LMLN: variants seen among roughly 807,000 people sequenced by gnomAD.
LMLN encodes the protein leishmanolysin-like peptidase.
In LMLN, 70 loss-of-function variants were observed where a neutral mutation model predicts 92.3. The observed-to-expected ratio is 0.76, with a 90% CI of 0.63 to 0.92. The LOEUF is 0.92. Ranked by LOEUF, LMLN falls within the 40% of genes least tolerant of loss-of-function variation. The probability of loss-of-function intolerance (pLI) is 0.00; values close to 1 mark genes in which losing one functional copy is unlikely to be tolerated. For missense variants in LMLN, 691 were observed against 814.6 expected (o/e 0.85, Z 1.85); for synonymous variants, 308 against 296.2 (o/e 1.04, Z -0.41).
At chr3:197,960,402 T>A (rs1171261615) in exon 1 of LMLN, 2 of 1,613,772 alleles carry the variant, frequency 1.2e-6, no homozygotes, top group Non-Finnish European at 1.7e-6. Flanking sequence ...CTTGGGCAGT[T>A]CCCCTCCCTG....
chr3:197,960,384 C>T (rs1239669755), exon 1 of LMLN: 14 of 1,613,994 alleles, frequency 8.7e-6, no homozygotes, highest in Non-Finnish European at 1.2e-5. Flanking sequence ...CACATCTACT[C>T]CCGTCTCCTT....
intron 1 of LMLN, among the ~76,000 whole-genome samples, chr3:197,968,899 G>T (rs1455883891): frequency 6.6e-6 from 1 of 152,150 alleles, no homozygotes; most frequent in Non-Finnish European, 1.5e-5. Context: ...GACTATTCAG[G>T]TTATTTATTT....
chr3:198,028,729 C>T (rs1723001021), intron 14 of LMLN, among the ~76,000 whole-genome samples: 1 of 152,188 alleles, frequency 6.6e-6, no homozygotes, highest in South Asian at 2.1e-4. Context: ...AAAGAATGTA[C>T]AGGGTACAGG....
chr3:197,976,763 G>A (rs969162509), intron 5 of LMLN, 48 bp downstream of exon 5: 1 of 920,352 alleles, frequency 1.1e-6, no homozygotes, highest in Non-Finnish European at 1.6e-6. Context: ...AGGAGATTTT[G>A]AATTTGTGAG....
chr3:198,038,761 A>T, exon 16 of LMLN: 1 of 924,058 alleles, frequency 1.1e-6, no homozygotes, highest in Non-Finnish European at 1.8e-6. Flanking sequence ...TGCAGATGGT[A>T]GAAGTGGCAT....
intron 11 of LMLN, among the ~76,000 whole-genome samples, chr3:198,000,162 G>A (rs2109899972): frequency 6.6e-6 from 1 of 152,270 alleles, no homozygotes; most frequent in Non-Finnish European, 1.5e-5. Context: ...AAAGTGCTGG[G>A]ATTACAGGCA....
chr3:197,965,007 C>CA (rs954254964), intron 1 of LMLN, among the ~76,000 whole-genome samples: 11,072 of 90,818 alleles, frequency 0.12, 648 homozygotes, highest in African/African-American at 0.23. Context: ...AACTCTGTCT[C>CA]AAAAAAAAAA....
intron 1 of LMLN, among the ~76,000 whole-genome samples, chr3:197,961,512 G>T: frequency 6.6e-6 from 1 of 151,934 alleles, no homozygotes; most frequent in Middle Eastern, 3.4e-3. Context: ...CTGCATTTTC[G>T]CTGAATTCTT....
chr3:198,020,768 A>ATTGTTTTTTTT (rs1722756549), intron 12 of LMLN, among the ~76,000 whole-genome samples: 6 of 32,872 alleles, frequency 1.8e-4, no homozygotes, highest in African/African-American at 7.2e-4. Flanking sequence ...TAATTTTTGT[A>ATTGTTTTTTTT]TTTTTTTTTT....
At chr3:198,037,217 C>T (rs77142057) in intron 15 of LMLN, among the ~76,000 whole-genome samples, 6 of 152,260 alleles carry the variant, frequency 3.9e-5, no homozygotes, top group East Asian at 3.9e-4. Context: ...GGAAGAGGTG[C>T]GTGGGGCAAA....
At chr3:198,002,322 G>C (rs1722196273) in intron 11 of LMLN, among the ~76,000 whole-genome samples, 1 of 152,056 alleles carries the variant, frequency 6.6e-6, no homozygotes, top group Non-Finnish European at 1.5e-5. Flanking sequence ...GTAGAGACAG[G>C]GTCTCACCAT....
intron 13 of LMLN, among the ~76,000 whole-genome samples, chr3:198,023,191 T>A (rs1279957639): frequency 6.6e-6 from 1 of 151,630 alleles, no homozygotes; most frequent in Non-Finnish European, 1.5e-5. Context: ...TTATTATTAT[T>A]ATTATTATTA....
exon 16 of LMLN, chr3:198,040,107 T>C (rs1198670148): frequency 6.6e-6 from 1 of 152,190 alleles, no homozygotes; most frequent in Non-Finnish European, 1.5e-5. Flanking sequence ...GGTTAAGAAA[T>C]TGTTGCAGAA....
intron 3 of LMLN, 52 bp downstream of exon 3, chr3:197,975,124 T>C: frequency 2.0e-6 from 2 of 1,015,670 alleles, no homozygotes; most frequent in Non-Finnish European, 3.0e-6. Flanking sequence ...TTTTATTGCA[T>C]GGAAATTCTA....
At chr3:198,011,397 G>A (rs988570293) in intron 11 of LMLN, among the ~76,000 whole-genome samples, 3 of 151,678 alleles carry the variant, frequency 2.0e-5, no homozygotes, top group Non-Finnish European at 4.4e-5. Context: ...CCTTGTGATA[G>A]TTTGCTGAGA....
intron 11 of LMLN, among the ~76,000 whole-genome samples, chr3:198,002,573 A>G (rs1489346507): frequency 6.6e-6 from 1 of 152,188 alleles, no homozygotes; most frequent in Non-Finnish European, 1.5e-5. Context: ...CCCCGTCTCT[A>G]CTAAAAATGC....
At position 197,980,522 on chromosome 3, in the gene LMLN, A is replaced by G; in HGVS notation, c.728+18A>G. 1 of 1,603,904 alleles carries G rather than the reference A, an allele frequency of 6.2e-7. No homozygotes were observed. Among genetic ancestry groups the G allele is most frequent in the Non-Finnish European group, 8.5e-7 (1 of 1,173,336 alleles). ...ATGGACAGGTAATCTTTCCTCCGGGACTTAGTTTCCAAGATCTAATGTGGG... is the reference window on the plus strand; with the variant it reads ...ATGGACAGGTAATCTTTCCTCCGGGGCTTAGTTTCCAAGATCTAATGTGGG... On this transcript the variant is annotated intron_variant, in intron 6 of 15. Transcript: ENST00000330198.
intron 1 of LMLN, among the ~76,000 whole-genome samples, chr3:197,973,517 T>C (rs533786014): frequency 7.2e-5 from 11 of 152,284 alleles, no homozygotes; most frequent in Non-Finnish European, 1.3e-4. Flanking sequence ...CCCAAAGTGC[T>C]GGGATTACAG....
At chr3:198,024,781 G>A in exon 14 of LMLN, 1 of 1,607,106 alleles carries the variant, frequency 6.2e-7, no homozygotes, top group South Asian at 1.1e-5. Flanking sequence ...GGAAGCGGAT[G>A]CTATCAGGTA....
Sources: allele counts gnomAD v4.1 joint callset (sites outside exome capture counted in the v4.1 genomes callset), GRCh38; gene constraint gnomAD v4.1.1; transcripts MANE v1.5; gene names NCBI Gene and HGNC (gene_info 2026-07-23, HGNC 2026-07-21).